Variants in SHISA6 observed in about 807,000 individuals in gnomAD.
SHISA6 encodes shisa family member 6.
In SHISA6, 22 loss-of-function variants were observed where a neutral mutation model predicts 47.9. The observed-to-expected ratio is 0.46, with a 90% CI of 0.33 to 0.66. SHISA6 has a LOEUF of 0.66. Ranked by LOEUF, SHISA6 falls within the 30% of genes least tolerant of loss-of-function variation. The pLI, the probability that SHISA6 is intolerant of heterozygous loss-of-function variation, is 0.02. For synonymous variants in SHISA6, 388 were observed against 337.8 expected, an observed-to-expected ratio of 1.15 and a Z score of -1.63; for missense variants, 680 against 764.6, an observed-to-expected ratio of 0.89 and a Z score of 1.30.
In SHISA6 at chr17:11,241,409, C is replaced by T. The variant is rs1055832311; in HGVS notation, c.-14C>T. On this transcript the variant is annotated 5_prime_UTR_variant, in exon 1 of 6. Transcript: ENST00000441885. This position sits in a 1 kb window ranked among gnomAD's most constrained non-coding sequence, Gnocchi z 5.5. Reference sequence around the variant, plus strand: ...CCGCGGAAGCCTCCCCGCGCCCTCCCGCCCGGCCCCGCCATGGCGCTGCGG... The same window carrying T: ...CCGCGGAAGCCTCCCCGCGCCCTCCTGCCCGGCCCCGCCATGGCGCTGCGG... The T allele has an allele frequency of 8.9e-6, 10 of 1,126,720 alleles. No homozygotes were observed. The African/African-American group carries it at 1.7e-4, about 19-fold the overall frequency. The allele number at this position is 1,126,720 out of a possible 1,614,324, so 69.8% of individuals were successfully genotyped here. A position where few individuals can be genotyped will look rare whatever the true frequency, so the allele number is the denominator to read the frequency against.
At chr17:11,529,869 C>A (rs1307286619) in intron 3 of SHISA6, among the ~76,000 whole-genome samples, 2 of 152,032 alleles carry the variant, frequency 1.3e-5, no homozygotes, top group Non-Finnish European at 2.9e-5. Flanking sequence ...CAAACATATT[C>A]AACAAATATT....
At chr17:11,368,446 C>T (rs1912525442) in intron 2 of SHISA6, among the ~76,000 whole-genome samples, 3 of 152,108 alleles carry the variant, frequency 2.0e-5, no homozygotes, top group Admixed American at 2.0e-4. Flanking sequence ...GAGAAGAGTC[C>T]TTCCTGGAGC....
intron 3 of SHISA6, among the ~76,000 whole-genome samples, chr17:11,413,710 T>C (rs1914201859): frequency 6.6e-6 from 1 of 152,152 alleles, no homozygotes; most frequent in East Asian, 1.9e-4. Flanking sequence ...CAAGCCCAAG[T>C]GTTCCAGCCG....
chr17:11,272,374 C>T (rs984032254), intron 2 of SHISA6, among the ~76,000 whole-genome samples: 2 of 152,188 alleles, frequency 1.3e-5, no homozygotes, highest in Non-Finnish European at 2.9e-5. Flanking sequence ...GGCTCCCTGC[C>T]CGGGGGCCTT....
chr17:11,280,578 C>G (rs1909084653), intron 2 of SHISA6, among the ~76,000 whole-genome samples: 2 of 152,176 alleles, frequency 1.3e-5, no homozygotes, highest in African/African-American at 4.8e-5. Flanking sequence ...GTGCCTGCTG[C>G]ATACCAGGCC....
chr17:11,525,777 A>G (rs2071674406), intron 3 of SHISA6, among the ~76,000 whole-genome samples: 1 of 149,930 alleles, frequency 6.7e-6, no homozygotes, highest in South Asian at 2.1e-4. Context: ...GCACTTTGGG[A>G]GGTTGAGGAG....
intron 3 of SHISA6, among the ~76,000 whole-genome samples, chr17:11,395,513 CTTTT>C (rs886287303): frequency 8.5e-6 from 1 of 117,372 alleles, no homozygotes; most frequent in Non-Finnish European, 1.8e-5. Context: ...GGCAGTTTTA[CTTTT>C]TTTTTTTTTT....
chr17:11,472,110 T>C (rs1606583), intron 3 of SHISA6, among the ~76,000 whole-genome samples: 107,690 of 151,952 alleles, frequency 0.71, 38,930 homozygotes, highest in African/African-American at 0.85. Flanking sequence ...CGTTTTCCCC[T>C]GGCAACCACT....
At chr17:11,413,684 T>C (rs760755937) in intron 3 of SHISA6, among the ~76,000 whole-genome samples, 11 of 152,172 alleles carry the variant, frequency 7.2e-5, no homozygotes, top group Non-Finnish European at 1.5e-4. Flanking sequence ...ACAGGCTCAC[T>C]TGGGCTTGTT....
At chr17:11,467,670 G>C (rs28690912) in intron 3 of SHISA6, among the ~76,000 whole-genome samples, 17,359 of 152,144 alleles carry the variant, frequency 0.11, 2,048 homozygotes, top group African/African-American at 0.3. Flanking sequence ...GTTCTCACCT[G>C]TTTGGGGAGT....
intron 1 of SHISA6, among the ~76,000 whole-genome samples, chr17:11,251,531 C>T (rs915098253): frequency 4.6e-5 from 7 of 151,926 alleles, no homozygotes; most frequent in East Asian, 3.9e-4. Context: ...AGAAAAGAGG[C>T]GATTTGGGAG....
chr17:11,433,403 G>A (rs1383632745), intron 3 of SHISA6, among the ~76,000 whole-genome samples: 1 of 152,172 alleles, frequency 6.6e-6, no homozygotes, highest in Non-Finnish European at 1.5e-5. Flanking sequence ...CCCTGCAAAG[G>A]ACATGAACTC....
chr17:11,351,370 A>G (rs1277591986), intron 2 of SHISA6, among the ~76,000 whole-genome samples: 2 of 152,166 alleles, frequency 1.3e-5, no homozygotes. Context: ...ATATCCAATT[A>G]CCTAGTCATG....
At chr17:11,248,287 T>C (rs1353823127) in intron 1 of SHISA6, among the ~76,000 whole-genome samples, 1 of 152,192 alleles carries the variant, frequency 6.6e-6, no homozygotes, top group Non-Finnish European at 1.5e-5. Flanking sequence ...TTCTATTCTT[T>C]TGTCATCTAT....
chr17:11,287,202 G>A (rs1352494943), intron 2 of SHISA6, among the ~76,000 whole-genome samples: 1 of 150,866 alleles, frequency 6.6e-6, no homozygotes, highest in East Asian at 2.0e-4. Flanking sequence ...GGAGGCTGTA[G>A]TGTGTAATGA....
chr17:11,309,592 G>T (rs892831264), intron 2 of SHISA6, among the ~76,000 whole-genome samples: 1 of 152,080 alleles, frequency 6.6e-6, no homozygotes, highest in Non-Finnish European at 1.5e-5. Flanking sequence ...CCCTCTTGTG[G>T]GTGATAACTG....
At chr17:11,307,323 G>C (rs1463793273) in intron 2 of SHISA6, among the ~76,000 whole-genome samples, 1 of 152,112 alleles carries the variant, frequency 6.6e-6, no homozygotes, top group African/African-American at 2.4e-5. Flanking sequence ...TTGACAATGA[G>C]CTCTGCTCCA....
chr17:11,320,019 GT>G (rs1910657575), intron 2 of SHISA6, among the ~76,000 whole-genome samples: 2 of 152,202 alleles, frequency 1.3e-5, no homozygotes, highest in South Asian at 4.1e-4. Flanking sequence ...CTGAAAATCA[GT>G]GGCTATTTCC....
At chr17:11,452,424 C>G (rs759236961) in intron 3 of SHISA6, among the ~76,000 whole-genome samples, 24 of 152,124 alleles carry the variant, frequency 1.6e-4, no homozygotes, top group Non-Finnish European at 2.6e-4. Flanking sequence ...TACATAGAGT[C>G]CAGCAGGTGA....
Sources: gnomAD v4.1 joint callset for allele counts (sites outside exome capture counted in the v4.1 genomes callset) on GRCh38, gnomAD v4.1.1 for gene constraint, Gnocchi (gnomAD v3.1) non-coding constraint, MANE v1.5 for transcripts, NCBI Gene and HGNC (gene_info 2026-07-23, HGNC 2026-07-21) for gene names.